GAK: variants seen among roughly 807,000 people sequenced by gnomAD.
GAK encodes cyclin-G-associated kinase.
Under a neutral mutation model 143.9 loss-of-function variants are expected in GAK, and 79 were observed. That is an observed-to-expected ratio of 0.55 (90% CI 0.46 to 0.66). GAK has a LOEUF of 0.66. GAK is among the 30% of genes least tolerant of loss of function. The pLI is 0.00. For missense variants in GAK, 1,693 were observed against 1,779.7 expected (o/e 0.95, Z 0.88); for synonymous variants, 881 against 765.5 (o/e 1.15, Z -2.49).
chr4:922,034 C>T (rs1484275968), intron 1 of GAK, among the ~76,000 whole-genome samples: 2 of 152,182 alleles, frequency 1.3e-5, no homozygotes, highest in African/African-American at 4.8e-5. Context: ...CAAAGAGAAA[C>T]TCGCTGTTAG....
Position 866,447 on chromosome 4 carries a change from G to A in GAK, c.2960C>T (p.Ser987Leu), listed in dbSNP as rs765212531. ...GGATGGTGGGACGGTCACAGAGTCC[G>A]AATTGAGAAATTCGCCGAAGAGATC... is the stretch of plus-strand genomic sequence containing the variant. ...NPDLFGEFLN[S>L]DSVTVPPSFP... The change falls in exon 22 of 28, where the codon TCG becomes TTG. Residue 987 changes from serine (S) to leucine (L), a missense_variant. Physicochemically the swap from Ser to Leu is moderately radical, Grantham distance 145 (BLOSUM62 -2). This residue lies in a region of GAK where 822 missense variants were observed against 788.7 expected (regional missense o/e 1.04). Coordinates refer to ENST00000314167, the MANE Select transcript of GAK (RefSeq NM_005255.4). The A allele has an allele frequency of 3.8e-5, 62 of 1,614,002 alleles. No individual in the cohort carries two copies. The highest frequency in any genetic ancestry group is 4.8e-5 in the Non-Finnish European group (57 of 1,179,974).
At chr4:876,169 C>T (rs1424547361) in intron 18 of GAK, among the ~76,000 whole-genome samples, 2 of 152,230 alleles carry the variant, frequency 1.3e-5, no homozygotes, top group Admixed American at 1.3e-4. Context: ...AGCTTCCAGA[C>T]AGGACTGCCC....
chr4:867,364 C>T lies in GAK; in HGVS notation c.2464G>A (p.Asp822Asn), dbSNP rs1326558961. The T allele has an allele frequency of 6.3e-7, 1 of 1,598,882 alleles. No homozygotes were observed. The highest frequency in any genetic ancestry group is 8.5e-7 in the Non-Finnish European group (1 of 1,170,234). The change falls in exon 21 of 28, where the codon GAC (aspartate) becomes AAC (asparagine). Residue 822 changes from aspartate to asparagine, a missense_variant. This residue lies in a region of GAK where 822 missense variants were observed against 788.7 expected (regional missense o/e 1.04). Transcript: ENST00000314167. ...SKESESALME[D>N]RDESEVSDEG... The stretch of plus-strand genomic sequence containing the variant: ...TCTGACACCTCACTCTCGTCTCTGT[C>T]CTCCATCAGGGCAGACTCGCTCTCC...
intron 1 of GAK, among the ~76,000 whole-genome samples, chr4:925,572 G>A (rs1451540559): frequency 1.3e-5 from 2 of 152,186 alleles, no homozygotes; most frequent in East Asian, 3.8e-4. Flanking sequence ...GAATGAATCT[G>A]TGTCCCCTCC....
At chr4:930,224 G>C (rs977372408) in intron 1 of GAK, among the ~76,000 whole-genome samples, 5 of 152,152 alleles carry the variant, frequency 3.3e-5, no homozygotes, top group Non-Finnish European at 7.3e-5. Context: ...CTCTGTTTCA[G>C]TTCAAAGAGG....
chr4:927,208 C>T (rs1484720888), intron 1 of GAK, among the ~76,000 whole-genome samples: 5 of 51,234 alleles, frequency 9.8e-5, no homozygotes, highest in Non-Finnish European at 1.6e-4. Context: ...CCGCACTGCC[C>T]CGCACCCCTC....
chr4:881,609 G>A (rs1715121546), intron 15 of GAK, among the ~76,000 whole-genome samples: 1 of 150,960 alleles, frequency 6.6e-6, no homozygotes, highest in Non-Finnish European at 1.5e-5. Context: ...ATTTTCACGT[G>A]CATTATCCAC....
At chr4:915,127 A>T (rs1416997860) in intron 1 of GAK, among the ~76,000 whole-genome samples, 1 of 132,608 alleles carries the variant, frequency 7.5e-6, no homozygotes, top group Admixed American at 7.8e-5. Flanking sequence ...ACTCAGCCCC[A>T]GCGTGCACGG....
intron 15 of GAK, among the ~76,000 whole-genome samples, chr4:878,665 C>T (rs1359202889): frequency 6.6e-6 from 1 of 152,170 alleles, no homozygotes; most frequent in Non-Finnish European, 1.5e-5. Context: ...AATGAGTTGT[C>T]TGGTTCTCCT....
Position 893,388 on chromosome 4 carries a change from G to T in GAK, c.979C>A (p.Pro327Thr). 2 of 1,578,246 alleles carry T rather than the reference G, an allele frequency of 1.3e-6. No homozygotes were observed. The highest frequency in any genetic ancestry group is 1.7e-6 in the Non-Finnish European group (2 of 1,162,024). Reference protein sequence around the residue: ...AAARNVNPKSPITELLEQNGG... With the variant: ...AAARNVNPKSTITELLEQNGG... ...TGTGCCTCCCTCACCTCTGTGATGG[G>T]AGACTTGGGGTTCACGTTGCGGGCG... The change falls in exon 9 of 28, where the codon CCC becomes ACC. Residue 327 changes from proline to threonine, a missense_variant. Physicochemically the swap from Pro to Thr is conservative, Grantham distance 38. Around this residue, in one of 2 missense-constraint regions of GAK, gnomAD observed 871 missense variants for 991.0 expected, o/e 0.88. Transcript: ENST00000314167.
At chr4:850,860 ATAAGG>A in intron 26 of GAK, 71 bp downstream of exon 26, 1 of 1,511,448 alleles carries the variant, frequency 6.6e-7, no homozygotes, top group Non-Finnish European at 8.9e-7. Flanking sequence ...CGCCGGCTCC[ATAAGG>A]CACAGCAGAT....
chr4:883,480 T>C lies in GAK; in HGVS notation c.1256-17A>G, dbSNP rs776944192. The C allele has an allele frequency of 6.2e-6, 10 of 1,612,514 alleles. No individual in the cohort carries two copies. Among genetic ancestry groups the C allele is most frequent in the East Asian group, 2.2e-5 (1 of 44,860 alleles). ...ATGACATCACTGAAACAAGCAGACC[T>C]GCGTCAGCACCTGGGAGATGCGCAC... On this transcript the variant is annotated splice_polypyrimidine_tract_variant and intron_variant, in intron 12 of 27. Coordinates refer to ENST00000314167, the MANE Select transcript of GAK (RefSeq NM_005255.4).
In GAK at chr4:906,457, G is replaced by A. The variant is rs147317226; in HGVS notation, c.383-1678C>T. ...ACCAGGAAACCAGGGATGTGGGGCC[G>A]GGGCAGCACGCAGGGCTGAGGACCT... is the stretch of plus-strand genomic sequence containing the variant. On this transcript the variant is annotated intron_variant, in intron 4 of 27. Transcript: ENST00000314167. Among the ~76,000 whole-genome samples the A allele has an allele frequency of 2.1e-3, 313 of 152,228 alleles. 1 individual carries two copies. The highest frequency in any genetic ancestry group is 7.1e-3 in the African/African-American group (296 of 41,540).
At chr4:889,201 T>C (rs1348404081) in intron 10 of GAK, among the ~76,000 whole-genome samples, 1 of 152,090 alleles carries the variant, frequency 6.6e-6, no homozygotes, top group Non-Finnish European at 1.5e-5. Context: ...GCCTCAGCAC[T>C]GGCAGGTCTA....
intron 5 of GAK, among the ~76,000 whole-genome samples, chr4:900,921 G>A (rs968228247): frequency 3.9e-5 from 6 of 152,118 alleles, no homozygotes; most frequent in African/African-American, 1.4e-4. Flanking sequence ...AAAGGGCCTG[G>A]GGCTCAGGAG....
At chr4:849,833 G>GGGGGGGGGGGC in intron 27 of GAK, 59 bp from the exon 28 acceptor site, 9 of 1,190,134 alleles carry the variant, frequency 7.6e-6, no homozygotes, top group South Asian at 1.4e-5. Context: ...GGCGGGGCAG[G>GGGGGGGGGGGC]ACCCCCCCCC....
Position 932,242 on chromosome 4 carries a change from G to A in GAK, c.-55C>T. On this transcript the variant is annotated 5_prime_UTR_variant, in exon 1 of 28. Transcript: ENST00000314167. The surrounding 1 kb of genome is among the most constrained non-coding windows in gnomAD (Gnocchi z 4.0). ...CCGGAGTGGTCGGGCTCGGGCTCCC[G>A]CTCCCTCGCCGTCCGGGTCAGCTCA... The A allele has an allele frequency of 3.4e-6, 5 of 1,470,612 alleles. No homozygotes were observed. The highest frequency in any genetic ancestry group is 4.8e-4 in the Middle Eastern group (2 of 4,174). 91.1% of individuals were successfully genotyped at this position (1,470,612 alleles called of 1,614,324 possible).
chr4:891,986 C>T (rs186922322), intron 9 of GAK, among the ~76,000 whole-genome samples: 10 of 152,284 alleles, frequency 6.6e-5, no homozygotes, highest in Admixed American at 5.9e-4. Context: ...CCATGATGGC[C>T]GCCAGAGAGG....
intron 11 of GAK, chr4:886,386 G>A (rs74775400): frequency 0.047 from 7,171 of 152,274 alleles, 200 homozygotes; most frequent in South Asian, 0.1. Context: ...GCTTCCAGCA[G>A]ACAGCAGCTC....
Sources: allele counts gnomAD v4.1 joint callset (sites outside exome capture counted in the v4.1 genomes callset), GRCh38; gene constraint gnomAD v4.1.1; regional missense constraint gnomAD v4.1.1; non-coding constraint Gnocchi (gnomAD v3.1); transcripts MANE v1.5; gene names NCBI Gene and HGNC (gene_info 2026-07-23, HGNC 2026-07-21).